Variants in MAGEA1 observed in about 807,000 individuals in gnomAD.
MAGEA1 encodes MAGE family member A1.
For synonymous variants in MAGEA1, 101 were observed against 96.7 expected (o/e 1.04, Z -0.26); for missense variants, 182 against 233.7 (o/e 0.78, Z 1.44).
intron 1 of MAGEA1, among the ~76,000 whole-genome samples, chrX:153,181,124 C>T (rs1392640706): frequency 9.0e-6 from 1 of 110,922 alleles, no homozygotes; most frequent in Non-Finnish European, 1.9e-5. Context: ...TGAGGAAGCA[C>T]AGGCGCTGGC....
chrX:153,182,233 C>T lies in MAGEA1; in HGVS notation c.-82C>T. On this transcript the variant is annotated 5_prime_UTR_variant, in exon 2 of 3. Coordinates refer to ENST00000356661, the MANE Select transcript of MAGEA1 (RefSeq NM_004988.5). ...GGATTCCCTGGAGGCCACAGAGGAG[C>T]ACCAAGGAGAAGATCTGTAAGTAGG... 2 of 1,037,452 alleles carry T rather than the reference C, an allele frequency of 1.9e-6. No homozygotes were observed. Among genetic ancestry groups the T allele is most frequent in the East Asian group, 3.0e-5 (1 of 32,815 alleles). The allele number at this position is 1,037,452 out of a possible 1,213,427, so 85.5% of individuals were successfully genotyped here.
At chrX:153,180,872 T>C (rs1482968991) in intron 1 of MAGEA1, among the ~76,000 whole-genome samples, 1 of 108,402 alleles carries the variant, frequency 9.2e-6, no homozygotes, top group Non-Finnish European at 1.9e-5. Flanking sequence ...GAGGGAGGAG[T>C]TCCAGGATCC....
chrX:153,182,637 G>A lies in MAGEA1; in HGVS notation c.248G>A (p.Arg83His), dbSNP rs782432961. 9.9e-6 allele frequency: 12 copies of A among 1,210,046 alleles called. No homozygotes were observed. The highest frequency in any genetic ancestry group is 2.3e-4 in the Middle Eastern group (1 of 4,374). Residue 83 changes from arginine (R) to histidine (H), a missense_variant, in exon 3 of 3, where the codon CGT becomes CAT. By Grantham distance (29) the Arg-to-His change is conservative. Transcript: ENST00000356661. ...CAACCCAGTGAGGGTTCCAGCAGCC[G>A]TGAAGAGGAGGGGCCAAGCACCTCT... is the stretch of plus-strand genomic sequence containing the variant. ...QRQPSEGSSSREEEGPSTSCI... is the reference protein window; with the variant it reads ...QRQPSEGSSSHEEEGPSTSCI...
At position 153,182,752 on chromosome X, in the gene MAGEA1, G is replaced by A; in HGVS notation, c.363G>A (p.Glu121=). The change falls in exon 3 of 3, where the codon GAG becomes GAA. Residue 121 remains glutamate (E), a synonymous_variant. Transcript: ENST00000356661. ...TGCTCCTCAAATATCGAGCCAGGGA[G>A]CCAGTCACAAAGGCAGAAATGCTGG... The part of the protein sequence containing the change: ...GFLLLKYRAR[E]PVTKAEMLES... The A allele has an allele frequency of 5.8e-6, 7 of 1,212,085 alleles. No homozygotes were observed. Among genetic ancestry groups the A allele is most frequent in the Non-Finnish European group, 7.8e-6 (7 of 895,570 alleles).
intron 1 of MAGEA1, among the ~76,000 whole-genome samples, chrX:153,180,209 G>A (rs947146214): frequency 4.5e-5 from 5 of 111,086 alleles, no homozygotes; most frequent in Non-Finnish European, 9.5e-5. Context: ...TAACCCACAG[G>A]GCAATCTGTA....
chrX:153,183,455 T>C lies in MAGEA1; in HGVS notation c.*136T>C. On this transcript the variant is annotated 3_prime_UTR_variant, in exon 3 of 3. Transcript: ENST00000356661. ...TGAAGAGAGCGGTCAGTGTTCTCAG[T>C]AGTAGGTTTCTGTTCTATTGGGTGA... is the stretch of plus-strand genomic sequence containing the variant. 1.7e-6 allele frequency: 1 copy of C among 587,778 alleles called. No individual in the cohort carries two copies. The highest frequency in any genetic ancestry group is 2.8e-6 in the Non-Finnish European group (1 of 362,801). 48.4% of individuals were successfully genotyped at this position (587,778 alleles called of 1,213,427 possible).
At position 153,182,384 on chromosome X, in the gene MAGEA1, G is replaced by A. The variant is rs2051499300; in HGVS notation, c.-6G>A. On this transcript the variant is annotated 5_prime_UTR_variant, in exon 3 of 3. Transcript: ENST00000356661. The stretch of plus-strand genomic sequence containing the variant: ...ACTCCTGCCTGCTGCCCTGACGAGA[G>A]TCATCATGTCTCTTGAGCAGAGGAG... The A allele has an allele frequency of 8.3e-7, 1 of 1,207,398 alleles. No homozygotes were observed. Among genetic ancestry groups the A allele is most frequent in the South Asian group, 1.8e-5 (1 of 56,718 alleles).
Position 153,183,042 on chromosome X carries a change from T to A in MAGEA1, c.653T>A (p.Leu218Gln). The A allele has an allele frequency of 8.3e-7, 1 of 1,211,385 alleles. No homozygotes were observed. Among genetic ancestry groups the A allele is most frequent in the Non-Finnish European group, 1.1e-6 (1 of 895,407 alleles). ...CCTGAGGAGGAAATCTGGGAGGAGC[T>A]GAGTGTGATGGAGGTGTATGATGGG... is the stretch of plus-strand genomic sequence containing the variant. ...HAPEEEIWEE[L>Q]SVMEVYDGRE... The change falls in exon 3 of 3, where the codon CTG becomes CAG. Residue 218 changes from leucine (L) to glutamine (Q), a missense_variant. By Grantham distance (113) the Leu-to-Gln change is moderately radical. Transcript: ENST00000356661.
In MAGEA1 at chrX:153,182,387, A is replaced by G. The variant is rs1437133048; in HGVS notation, c.-3A>G. ...CCTGCCTGCTGCCCTGACGAGAGTC[A>G]TCATGTCTCTTGAGCAGAGGAGTCT... is the stretch of plus-strand genomic sequence containing the variant. On this transcript the variant is annotated 5_prime_UTR_variant, in exon 3 of 3. Coordinates refer to ENST00000356661, the MANE Select transcript of MAGEA1 (RefSeq NM_004988.5). The G allele has an allele frequency of 1.7e-6, 2 of 1,208,461 alleles. No individual in the cohort carries two copies. Among genetic ancestry groups the G allele is most frequent in the Admixed American group, 4.3e-5 (2 of 46,026 alleles).
chrX:153,179,660 C>A (rs2051482553), intron 1 of MAGEA1, among the ~76,000 whole-genome samples: 1 of 108,446 alleles, frequency 9.2e-6, no homozygotes, highest in Admixed American at 9.7e-5. Context: ...CAAGACTGCA[C>A]TCCAATCCCC....
chrX:153,182,500 T>C lies in MAGEA1; in HGVS notation c.111T>C (p.Pro37=). ...AGGCTGCCACCTCCTCCTCCTCTCC[T>C]CTGGTCCTGGGCACCCTGGAGGAGG... The part of the protein sequence containing the change: ...CVQAATSSSS[P]LVLGTLEEVP... The change falls in exon 3 of 3, where the codon CCT becomes CCC. Residue 37 remains proline, a synonymous_variant. Coordinates refer to ENST00000356661, the MANE Select transcript of MAGEA1 (RefSeq NM_004988.5). The C allele has an allele frequency of 8.3e-7, 1 of 1,211,241 alleles. No individual in the cohort carries two copies. The highest frequency in any genetic ancestry group is 1.1e-6 in the Non-Finnish European group (1 of 895,066).
At position 153,182,222 on chromosome X, in the gene MAGEA1, C is replaced by T; in HGVS notation, c.-93C>T. On this transcript the variant is annotated 5_prime_UTR_variant, in exon 2 of 3. Coordinates refer to ENST00000356661, the MANE Select transcript of MAGEA1 (RefSeq NM_004988.5). ...CCCAGAGGACAGGATTCCCTGGAGG[C>T]CACAGAGGAGCACCAAGGAGAAGAT... 2 of 1,031,067 alleles carry T rather than the reference C, an allele frequency of 1.9e-6. No homozygotes were observed. The highest frequency in any genetic ancestry group is 3.1e-5 in the East Asian group (1 of 32,701). 85.0% of individuals were successfully genotyped at this position (1,031,067 alleles called of 1,213,427 possible). A position where few individuals can be genotyped will look rare whatever the true frequency, so the allele number is the denominator to read the frequency against.
Position 153,183,523 on chromosome X carries a change from T to G in MAGEA1, c.*204T>G, listed in dbSNP as rs1201312241. ...GTTCTCTTTTGGAATTGTTCAAATGTTTTTTTTTAAGGGATGGTTGAATGA... is the reference window on the plus strand; with the variant it reads ...GTTCTCTTTTGGAATTGTTCAAATGGTTTTTTTTAAGGGATGGTTGAATGA... On this transcript the variant is annotated 3_prime_UTR_variant, in exon 3 of 3. Transcript: ENST00000356661. 1 of 431,905 alleles carries G rather than the reference T, an allele frequency of 2.3e-6. No individual in the cohort carries two copies. Among genetic ancestry groups the G allele is most frequent in the East Asian group, 4.1e-5 (1 of 24,395 alleles). 35.6% of individuals were successfully genotyped at this position (431,905 alleles called of 1,213,427 possible). A position where few individuals can be genotyped will look rare whatever the true frequency, so the allele number is the denominator to read the frequency against.
chrX:153,182,317 C>T lies in MAGEA1; in HGVS notation c.-65-8C>T, dbSNP rs782221537. ...CTGAGGCCTCTCACACACTCCCTCT[C>T]TCCCCAGGCCTGTGGGTCTTCATTG... On this transcript the variant is annotated splice_region_variant and splice_polypyrimidine_tract_variant and intron_variant, in intron 2 of 2. Coordinates refer to ENST00000356661, the MANE Select transcript of MAGEA1 (RefSeq NM_004988.5). 4.0e-4 allele frequency: 411 copies of T among 1,038,477 alleles called. 1 individual carries two copies. The African/African-American group carries it at 6.9e-3, about 18-fold the overall frequency. The allele number at this position is 1,038,477 out of a possible 1,213,427, so 85.6% of individuals were successfully genotyped here. A position where few individuals can be genotyped will look rare whatever the true frequency, so the allele number is the denominator to read the frequency against.
In MAGEA1 at chrX:153,182,343, C is replaced by T; in HGVS notation, c.-47C>T. The T allele has an allele frequency of 8.8e-7, 1 of 1,139,357 alleles. No individual in the cohort carries two copies. The highest frequency in any genetic ancestry group is 1.2e-6 in the Non-Finnish European group (1 of 829,704). 93.9% of individuals were successfully genotyped at this position (1,139,357 alleles called of 1,213,427 possible). On this transcript the variant is annotated 5_prime_UTR_variant, in exon 3 of 3. Coordinates refer to ENST00000356661, the MANE Select transcript of MAGEA1 (RefSeq NM_004988.5). ...TCCCCAGGCCTGTGGGTCTTCATTG[C>T]CCAGCTCCTGCCCACACTCCTGCCT...
At chrX:153,180,720 C>T (rs1387802452) in intron 1 of MAGEA1, among the ~76,000 whole-genome samples, 8 of 111,750 alleles carry the variant, frequency 7.2e-5, no homozygotes, top group African/African-American at 2.6e-4. Flanking sequence ...AGGGAGGACT[C>T]AGGGGACCTT....
chrX:153,182,662 T>C lies in MAGEA1; in HGVS notation c.273T>C (p.Ser91=), dbSNP rs1556944125. 2 of 1,212,115 alleles carry C rather than the reference T, an allele frequency of 1.7e-6. No homozygotes were observed. The highest frequency in any genetic ancestry group is 4.3e-5 in the Admixed American group (2 of 46,097). ...GTGAAGAGGAGGGGCCAAGCACCTC[T>C]TGTATCCTGGAGTCCTTGTTCCGAG... ...SSREEEGPST[S]CILESLFRAV... The change falls in exon 3 of 3, where the codon TCT becomes TCC. Residue 91 remains serine (S), a synonymous_variant. Transcript: ENST00000356661.
chrX:153,181,642 C>A (rs1281820568), intron 1 of MAGEA1, among the ~76,000 whole-genome samples: 2 of 111,697 alleles, frequency 1.8e-5, no homozygotes, highest in Admixed American at 1.9e-4. Context: ...ATTTTGATAT[C>A]TCTTGCTGCC....
chrX:153,180,654 C>G (rs1556943835), intron 1 of MAGEA1, among the ~76,000 whole-genome samples: 1 of 111,559 alleles, frequency 9.0e-6, no homozygotes, highest in Non-Finnish European at 1.9e-5. Flanking sequence ...ATGATGGGGA[C>G]TCAGATTAGC....
Sources: allele counts gnomAD v4.1 joint callset (sites outside exome capture counted in the v4.1 genomes callset), GRCh38; gene constraint gnomAD v4.1.1; transcripts MANE v1.5; gene names NCBI Gene and HGNC (gene_info 2026-07-23, HGNC 2026-07-21).